DMD: variants seen among roughly 807,000 people sequenced by gnomAD.
DMD encodes dystrophin.
A neutral mutation model predicts 330.1 loss-of-function variants in DMD; 63 were observed. That is an observed-to-expected ratio of 0.19 (90% confidence interval 0.16 to 0.24). DMD has a LOEUF of 0.24. Ranked by LOEUF, DMD falls within the 10% of genes least tolerant of loss-of-function variation. DMD has a pLI of 1.00. For synonymous variants in DMD, 1,223 were observed against 959.8 expected, an observed-to-expected ratio of 1.27 and a Z score of -5.07; for missense variants, 3,344 against 2,684.1, an observed-to-expected ratio of 1.25 and a Z score of -5.43.
chrX:31,338,963 A>C (rs936258194), intron 61 of DMD, among the ~76,000 whole-genome samples: 3 of 101,983 alleles, frequency 2.9e-5, no homozygotes, highest in Admixed American at 1.1e-4. Context: ...AAAAAAAAAA[A>C]AACAAAGTGC....
At chrX:32,496,816 C>A (rs2043536008) in intron 19 of DMD, among the ~76,000 whole-genome samples, 1 of 112,172 alleles carries the variant, frequency 8.9e-6, no homozygotes, top group South Asian at 3.6e-4. Flanking sequence ...GAGCATTATA[C>A]TAAGTGTCAT....
intron 44 of DMD, among the ~76,000 whole-genome samples, chrX:32,125,595 ATTAGT>A (rs2096658061): frequency 1.8e-5 from 2 of 112,128 alleles, no homozygotes; most frequent in Non-Finnish European, 3.8e-5. Context: ...TTGCAGAAAC[ATTAGT>A]TAGGTTAAAT....
intron 60 of DMD, among the ~76,000 whole-genome samples, chrX:31,421,932 TACACAC>T (rs1230087249): frequency 0.011 from 879 of 82,518 alleles, 37 homozygotes; most frequent in African/African-American, 0.05. Context: ...TATATATATA[TACACAC>T]ACACATATAT....
chrX:32,415,547 C>T (rs2098163075), intron 29 of DMD, among the ~76,000 whole-genome samples: 1 of 112,354 alleles, frequency 8.9e-6, no homozygotes, highest in South Asian at 3.6e-4. Flanking sequence ...GCCCGCTTGA[C>T]CTGTGCTGTC....
intron 55 of DMD, among the ~76,000 whole-genome samples, chrX:31,624,628 C>T (rs758591059): frequency 8.9e-6 from 1 of 111,950 alleles, no homozygotes; most frequent in East Asian, 2.8e-4. Flanking sequence ...TAAATCATCA[C>T]TACTTTTGGG....
intron 44 of DMD, among the ~76,000 whole-genome samples, chrX:32,057,732 G>A (rs1357425922): frequency 9.6e-6 from 1 of 104,198 alleles, no homozygotes. Flanking sequence ...CAGAAATAAG[G>A]TAAATTTCCT....
Position 31,722,918 on chromosome X carries a change from G to T in DMD, c.7660+6713C>A, listed in dbSNP as rs758898371. Among the ~76,000 whole-genome samples, 3 of 110,162 alleles carry T rather than the reference G, an allele frequency of 2.7e-5. No homozygotes were observed. In the East Asian group the frequency reaches 8.6e-4, roughly 32 times the overall value. On this transcript the variant is annotated intron_variant, in intron 52 of 78. Coordinates refer to ENST00000357033, the MANE Select transcript of DMD (RefSeq NM_004006.3). ...AAAAAATTAGCTGGGCATGATGGTG[G>T]GAGCCTGTAATGCCAGCTACTCGGT...
intron 9 of DMD, among the ~76,000 whole-genome samples, chrX:32,672,864 C>T (rs2061717053): frequency 9.0e-6 from 1 of 110,712 alleles, no homozygotes; most frequent in Non-Finnish European, 1.9e-5. Context: ...TACGGAGCTG[C>T]AGTGTGATGA....
chrX:32,117,113 C>G (rs1398588672), intron 44 of DMD, among the ~76,000 whole-genome samples: 1 of 111,116 alleles, frequency 9.0e-6, no homozygotes, highest in African/African-American at 3.3e-5. Flanking sequence ...CTAAGCCTCA[C>G]TCCATTACAT....
chrX:33,118,634 A>C (rs777829685), intron 1 of DMD, among the ~76,000 whole-genome samples: 1 of 112,082 alleles, frequency 8.9e-6, no homozygotes, highest in South Asian at 3.7e-4. Flanking sequence ...TGAATGGATT[A>C]GCGATAAAAT....
At chrX:31,792,755 G>A (rs755207784) in intron 50 of DMD, among the ~76,000 whole-genome samples, 82 of 111,497 alleles carry the variant, frequency 7.4e-4, no homozygotes, top group Admixed American at 1.7e-3. Flanking sequence ...AGGTGGAGGC[G>A]TCTGCGACCC....
At chrX:32,660,774 A>G (rs2060894205) in intron 9 of DMD, among the ~76,000 whole-genome samples, 1 of 111,846 alleles carries the variant, frequency 8.9e-6, no homozygotes, top group Admixed American at 9.5e-5. Flanking sequence ...GACCTTTTCA[A>G]AAATAAAGTA....
intron 51 of DMD, among the ~76,000 whole-genome samples, chrX:31,741,255 G>A (rs766146039): frequency 1.4e-4 from 16 of 111,783 alleles, no homozygotes; most frequent in Non-Finnish European, 2.6e-4. Flanking sequence ...TGATAATGTT[G>A]ATATTTTGAC....
intron 60 of DMD, among the ~76,000 whole-genome samples, chrX:31,378,940 C>T (rs920902225): frequency 1.8e-5 from 2 of 111,307 alleles, no homozygotes; most frequent in South Asian, 3.8e-4. Flanking sequence ...GAAAACGGCA[C>T]TTTCAATTTT....
At chrX:32,968,297 G>A (rs893417017) in intron 2 of DMD, among the ~76,000 whole-genome samples, 3 of 108,314 alleles carry the variant, frequency 2.8e-5, no homozygotes, top group African/African-American at 1.0e-4. Flanking sequence ...AAAGTTTTCA[G>A]TTACCTTCCA....
At chrX:32,116,165 T>A (rs1190937909) in intron 44 of DMD, among the ~76,000 whole-genome samples, 1 of 111,487 alleles carries the variant, frequency 9.0e-6, no homozygotes, top group Non-Finnish European at 1.9e-5. Context: ...TCAAGTCTCT[T>A]TTGAACTCAG....
intron 1 of DMD, among the ~76,000 whole-genome samples, chrX:33,256,105 T>C (rs924106228): frequency 9.0e-6 from 1 of 111,325 alleles, no homozygotes; most frequent in African/African-American, 3.2e-5. Context: ...CAAGAAAGTC[T>C]TTACATATAT....
intron 33 of DMD, among the ~76,000 whole-genome samples, chrX:32,384,175 A>G (rs1366444679): frequency 8.2e-5 from 9 of 110,420 alleles, no homozygotes. Flanking sequence ...TAGGATTAAT[A>G]TTAGAGATTA....
At chrX:31,376,209 T>C (rs924916350) in intron 60 of DMD, among the ~76,000 whole-genome samples, 1 of 112,323 alleles carries the variant, frequency 8.9e-6, no homozygotes, top group African/African-American at 3.2e-5. Context: ...CAGATCTCTT[T>C]AAAATCACCA....
Sources: allele counts gnomAD v4.1 joint callset (sites outside exome capture counted in the v4.1 genomes callset), GRCh38; gene constraint gnomAD v4.1.1; transcripts MANE v1.5; gene names NCBI Gene and HGNC (gene_info 2026-07-23, HGNC 2026-07-21).